Variants in USP37 observed in about 807,000 individuals in gnomAD.
USP37 encodes ubiquitin specific peptidase 37, also known as ubiquitin carboxyl-terminal hydrolase 37.
A neutral mutation model predicts 124.0 loss-of-function variants in USP37; 27 were observed. That is an observed-to-expected ratio of 0.22 (90% CI 0.16 to 0.30). The LOEUF (loss-of-function observed/expected upper bound fraction) is 0.30. USP37 is among the 10% of genes least tolerant of loss of function. The pLI, the probability that USP37 is intolerant of heterozygous loss-of-function variation, is 1.00. For synonymous variants in USP37, 365 were observed against 388.0 expected (o/e 0.94, Z 0.70); for missense variants, 889 against 1,140.4 (o/e 0.78, Z 3.17).
intron 22 of USP37, among the ~76,000 whole-genome samples, 188 bp from the exon 23 acceptor site, chr2:218,460,093 A>C (rs1056125391): frequency 6.8e-6 from 1 of 148,042 alleles, no homozygotes; most frequent in African/African-American, 2.5e-5. Flanking sequence ...TAAAAATACA[A>C]AAAAAAAAAA....
At chr2:218,471,186 G>A (rs140384518) in intron 20 of USP37, among the ~76,000 whole-genome samples, 7 of 152,278 alleles carry the variant, frequency 4.6e-5, no homozygotes, top group Non-Finnish European at 1.0e-4. Context: ...GTAGCTAGTT[G>A]AGTTGGGAGT....
At chr2:218,516,606 T>C (rs1690298850) in intron 10 of USP37, among the ~76,000 whole-genome samples, 1 of 152,138 alleles carries the variant, frequency 6.6e-6, no homozygotes, top group Non-Finnish European at 1.5e-5. Flanking sequence ...GCTTAAAACC[T>C]AGATGACAGG....
chr2:218,533,848 G>T (rs993528207), intron 9 of USP37, among the ~76,000 whole-genome samples: 1 of 152,202 alleles, frequency 6.6e-6, no homozygotes, highest in African/African-American at 2.4e-5. Context: ...GGATTTCAGA[G>T]AATCGAACAG....
In USP37 at chr2:218,556,518, T is replaced by TG. The variant is rs1450623563; in HGVS notation, c.156+1979_156+1980insC. On this transcript the variant is annotated intron_variant, in intron 4 of 25. Transcript: ENST00000258399. ...GGGTTTTTCTGTTTTTTTTTTTTTT[T>TG]TTTTTTTTTTTTGAGATGGAGTTTC... 4.3e-5 allele frequency among the ~76,000 whole-genome samples: 6 copies of TG among 138,004 alleles called. No individual in the cohort carries two copies. In the South Asian group the frequency reaches 7.5e-4, roughly 17 times the overall value. 90.5% of individuals were successfully genotyped at this position (138,004 alleles called of 152,430 possible). A position where few individuals can be genotyped will look rare whatever the true frequency, so the allele number is the denominator to read the frequency against.
chr2:218,505,557 T>G (rs1209936400), intron 11 of USP37, among the ~76,000 whole-genome samples: 1 of 152,192 alleles, frequency 6.6e-6, no homozygotes, highest in African/African-American at 2.4e-5. Flanking sequence ...ACATCTTGGC[T>G]TGGCATGAAA....
intron 25 of USP37, 123 bp downstream of exon 25, chr2:218,455,456 TA>T (rs1689643963): frequency 2.2e-6 from 3 of 1,375,588 alleles, no homozygotes; most frequent in Non-Finnish European, 2.9e-6. Context: ...CCAAAGATGA[TA>T]AAAACCAAAA....
chr2:218,504,552 G>A lies in USP37; in HGVS notation c.1025+5427C>T, dbSNP rs73074881. Among the ~76,000 whole-genome samples, 1,090 of 151,900 alleles carry A rather than the reference G, an allele frequency of 7.2e-3. 15 individuals are homozygous for A. The highest frequency in any genetic ancestry group is 0.025 in the African/African-American group (1,020 of 41,410). ...GCAATCCTCCAGCCTCAGTCTCCCC[G>A]GTAGCTGGGATTAAAGACATGTACC... On this transcript the variant is annotated intron_variant, in intron 11 of 25. Transcript: ENST00000258399.
At chr2:218,459,692 G>C in intron 23 of USP37, 98 bp downstream of exon 23, 1 of 940,792 alleles carries the variant, frequency 1.1e-6, no homozygotes, top group Non-Finnish European at 1.6e-6. Context: ...GGGCCAAAAT[G>C]AACCTGCAGT....
At chr2:218,512,452 G>T (rs538297461) in intron 10 of USP37, among the ~76,000 whole-genome samples, 9 of 152,252 alleles carry the variant, frequency 5.9e-5, no homozygotes, top group Middle Eastern at 3.4e-3. Flanking sequence ...AGGTTGCAGT[G>T]AGCTGAGATC....
chr2:218,460,518 A>G (rs941657195), intron 22 of USP37, among the ~76,000 whole-genome samples: 3 of 152,178 alleles, frequency 2.0e-5, no homozygotes, highest in African/African-American at 7.2e-5. Context: ...CATATAATCC[A>G]ATTTCACTAA....
intron 8 of USP37, among the ~76,000 whole-genome samples, chr2:218,544,786 T>G (rs1043016806): frequency 6.6e-6 from 1 of 152,204 alleles, no homozygotes; most frequent in African/African-American, 2.4e-5. Context: ...CCAAGACCCC[T>G]CCAGTTTCCT....
At chr2:218,524,870 A>G (rs1340643011) in intron 10 of USP37, among the ~76,000 whole-genome samples, 1 of 152,214 alleles carries the variant, frequency 6.6e-6, no homozygotes, top group Non-Finnish European at 1.5e-5. Flanking sequence ...TTGGCCTCCC[A>G]AAGTACTGGG....
intron 21 of USP37, among the ~76,000 whole-genome samples, chr2:218,464,331 G>A (rs549552433): frequency 1.1e-4 from 17 of 151,734 alleles, no homozygotes; most frequent in African/African-American, 3.4e-4. Flanking sequence ...TCCACCTCCC[G>A]GGTTCAAGCA....
rs377519861 is a variant in USP37 at position 218,538,571 on chromosome 2, A to C, written c.681-3865T>G. 2.0e-5 allele frequency among the ~76,000 whole-genome samples: 3 copies of C among 152,324 alleles called. No homozygotes were observed. In the East Asian group the frequency reaches 5.8e-4, roughly 29 times the overall value. On this transcript the variant is annotated intron_variant, in intron 8 of 25. Coordinates refer to ENST00000258399, the MANE Select transcript of USP37 (RefSeq NM_020935.3). ...CCGTTATTTCCACAAAGGGACCATG[A>C]ATAACGTAACAGCCATGGTGGCAGA...
At chr2:218,490,167 C>G (rs764491506) in intron 14 of USP37, among the ~76,000 whole-genome samples, 1 of 152,032 alleles carries the variant, frequency 6.6e-6, no homozygotes, top group Non-Finnish European at 1.5e-5. Context: ...CTGGCTAACA[C>G]GGTGAAACCC....
chr2:218,455,658 A>C lies in USP37; in HGVS notation c.2774T>G (p.Leu925Arg). The stretch of plus-strand genomic sequence containing the variant: ...AGCCTCTTGGATTTTTGATACCTCC[A>C]GGTCATTGTAAGTAAACCACGCTTG... ...KKQAWFTYND[L>R]EVSKIQEAAV... The change falls in exon 25 of 26, where the codon CTG becomes CGG. Residue 925 changes from leucine (L) to arginine (R), a missense_variant. Coordinates refer to ENST00000258399, the MANE Select transcript of USP37 (RefSeq NM_020935.3). 2 of 1,614,224 alleles carry C rather than the reference A, an allele frequency of 1.2e-6. No individual in the cohort carries two copies. Among genetic ancestry groups the C allele is most frequent in the Non-Finnish European group, 1.7e-6 (2 of 1,180,042 alleles).
Position 218,476,992 on chromosome 2 carries a change from A to T in USP37, c.1902-11T>A. 1 of 1,487,336 alleles carries T rather than the reference A, an allele frequency of 6.7e-7. No homozygotes were observed. The highest frequency in any genetic ancestry group is 8.9e-7 in the Non-Finnish European group (1 of 1,119,018). 92.1% of individuals were successfully genotyped at this position (1,487,336 alleles called of 1,614,324 possible). The stretch of plus-strand genomic sequence containing the variant: ...TTGAAGGTGAATTTCCTGTAATTTA[A>T]GGAAAAAAAAAAAAGCCTGATAAAC... On this transcript the variant is annotated splice_polypyrimidine_tract_variant and intron_variant, in intron 18 of 25. Transcript: ENST00000258399.
At chr2:218,495,158 T>C (rs969466768) in intron 14 of USP37, among the ~76,000 whole-genome samples, 1 of 152,238 alleles carries the variant, frequency 6.6e-6, no homozygotes, top group Non-Finnish European at 1.5e-5. Context: ...GTTTTGTTTT[T>C]TGAGATAGGG....
chr2:218,529,519 G>A (rs564917878), intron 10 of USP37, among the ~76,000 whole-genome samples: 1 of 152,106 alleles, frequency 6.6e-6, no homozygotes, highest in South Asian at 2.1e-4. Flanking sequence ...CCAGGAGCAG[G>A]AGCAGTGGTT....
Sources: allele counts gnomAD v4.1 joint callset (sites outside exome capture counted in the v4.1 genomes callset), GRCh38; gene constraint gnomAD v4.1.1; transcripts MANE v1.5; gene names NCBI Gene and HGNC (gene_info 2026-07-23, HGNC 2026-07-21).